The following AMER3 variants were observed in gnomAD, a reference collection of about 807,000 sequenced individuals.
AMER3 encodes family with sequence similarity 123C.
For synonymous variants in AMER3, 541 were observed against 485.5 expected (o/e 1.11, Z -1.50); for missense variants, 1,201 against 1,139.4 (o/e 1.05, Z -0.78).
At chr2:130,757,154 GA>G (rs943889629) in intron 1 of AMER3, among the ~76,000 whole-genome samples, 2 of 149,742 alleles carry the variant, frequency 1.3e-5, no homozygotes, top group East Asian at 1.9e-4. Flanking sequence ...GTTAAGAAAG[GA>G]AAAAAAAAGC....
intron 1 of AMER3, 150 bp from the exon 2 acceptor site, chr2:130,761,904 G>T: frequency 5.1e-6 from 4 of 780,224 alleles, no homozygotes; most frequent in Non-Finnish European, 8.1e-6. Flanking sequence ...TGTTAGGGCT[G>T]CTCCCATCTT....
chr2:130,761,936 A>G, intron 1 of AMER3, 118 bp from the exon 2 acceptor site: 1 of 984,118 alleles, frequency 1.0e-6, no homozygotes. Context: ...TGCAAGGAGG[A>G]TCTCCTGGGA....
chr2:130,762,513 G>A lies in AMER3; in HGVS notation c.441G>A (p.Pro147=), dbSNP rs772225081. Residue 147 remains proline, a synonymous_variant, in exon 2 of 2, where the codon CCG becomes CCA. Coordinates refer to ENST00000321420, the MANE Select transcript of AMER3 (RefSeq NM_152698.3). ...PFVPAVAKSI[P]RKRISLKRPK... Reference sequence around the variant, plus strand: ...TGCCAGCTGTGGCCAAGAGCATCCCGAGGAAGAGGATTTCCCTGAAGAGGC... The same window carrying A: ...TGCCAGCTGTGGCCAAGAGCATCCCAAGGAAGAGGATTTCCCTGAAGAGGC... 96 of 1,613,418 alleles carry A rather than the reference G, an allele frequency of 6.0e-5. No individual in the cohort carries two copies. The highest frequency in any genetic ancestry group is 5.3e-5 in the African/African-American group (4 of 75,056).
At chr2:130,761,322 C>G (rs940037725) in intron 1 of AMER3, among the ~76,000 whole-genome samples, 34 of 151,380 alleles carry the variant, frequency 2.2e-4, no homozygotes, top group African/African-American at 8.3e-4. Flanking sequence ...CATCAGAAAC[C>G]TTCTCTGCAT....
rs1678934921 is a variant in AMER3, at chr2:130,764,681, A to G, written c.*23A>G. The G allele has an allele frequency of 2.6e-6, 4 of 1,564,862 alleles. No individual in the cohort carries two copies. Among genetic ancestry groups the G allele is most frequent in the Admixed American group, 3.9e-5 (2 of 51,672 alleles). ...TAGGACAGGCTCACATGCACCAGGA[A>G]CTGCATGTGTCTTCATGACCACTTT... On this transcript the variant is annotated 3_prime_UTR_variant, in exon 2 of 2. Coordinates refer to ENST00000321420, the MANE Select transcript of AMER3 (RefSeq NM_152698.3).
At chr2:130,755,776 C>G (rs986550543) in intron 1 of AMER3, 102 bp downstream of exon 1, 3 of 152,366 alleles carry the variant, frequency 2.0e-5, no homozygotes, top group Non-Finnish European at 4.4e-5. Flanking sequence ...CCTGGCCTGC[C>G]CCTTCTTGCA....
chr2:130,764,143 C>T lies in AMER3; in HGVS notation c.2071C>T (p.Pro691Ser), dbSNP rs757576286. Reference sequence around the variant, plus strand: ...CCTGAAGATCAGCTCAAACGAACAGCCCCCGGCCGCATGGCCTCCAAGGCA... The same window carrying T: ...CCTGAAGATCAGCTCAAACGAACAGTCCCCGGCCGCATGGCCTCCAAGGCA... The part of the protein sequence containing the change: ...AALKISSNEQ[P>S]PAAWPPRQDM... Residue 691 changes from proline to serine, a missense_variant, in exon 2 of 2, where the codon CCC becomes TCC. Pro to Ser is a moderately conservative substitution (Grantham distance 74, BLOSUM62 -1). Coordinates refer to ENST00000321420, the MANE Select transcript of AMER3 (RefSeq NM_152698.3). 4.3e-6 allele frequency: 7 copies of T among 1,610,142 alleles called. No individual in the cohort carries two copies. The highest frequency in any genetic ancestry group is 5.9e-6 in the Non-Finnish European group (7 of 1,178,308).
In AMER3 at chr2:130,766,740, A is replaced by G. The variant is rs1678992735; in HGVS notation, c.*2082A>G. 1 of 164,388 alleles carries G rather than the reference A, an allele frequency of 6.1e-6. No homozygotes were observed. Among genetic ancestry groups the G allele is most frequent in the Non-Finnish European group, 1.5e-5 (1 of 68,106 alleles). The allele number at this position is 164,388 out of a possible 1,614,324, so 10.2% of individuals were successfully genotyped here. ...ATGTCTCAAAATCTCCTCAACTAAA[A>G]TGTCTCAAAATCTCAGCCTCCCACA... On this transcript the variant is annotated 3_prime_UTR_variant, in exon 2 of 2. Coordinates refer to ENST00000321420, the MANE Select transcript of AMER3 (RefSeq NM_152698.3).
chr2:130,762,087 A>G lies in AMER3; in HGVS notation c.15A>G (p.Arg5=). 6.2e-7 allele frequency: 1 copy of G among 1,610,898 alleles called. No homozygotes were observed. Among genetic ancestry groups the G allele is most frequent in the Non-Finnish European group, 8.5e-7 (1 of 1,179,178 alleles). ...GCACTGGCAGCATGGAGCTGAAGAG[A>G]GGAAAGACCTTCATCAAGTCCAGCC... MELK[R]GKTFIKSSLQ... is the part of the protein sequence containing the mutation. The change falls in exon 2 of 2, where the codon AGA becomes AGG. Residue 5 remains arginine (R), a synonymous_variant. Transcript: ENST00000321420.
At chr2:130,756,017 G>A (rs1185483199) in intron 1 of AMER3, 1 of 152,210 alleles carries the variant, frequency 6.6e-6, no homozygotes, top group African/African-American at 2.4e-5. Context: ...GGGAGGCAGA[G>A]ACACCCAGAA....
chr2:130,758,727 G>C (rs1050934326), intron 1 of AMER3, among the ~76,000 whole-genome samples: 2 of 152,236 alleles, frequency 1.3e-5, no homozygotes, highest in African/African-American at 4.8e-5. Context: ...GGCACCCGAA[G>C]GGTAGGGACG....
Position 130,762,299 on chromosome 2 carries a change from G to A in AMER3, c.227G>A (p.Gly76Glu). The A allele has an allele frequency of 6.3e-7, 1 of 1,599,966 alleles. No homozygotes were observed. The highest frequency in any genetic ancestry group is 8.5e-7 in the Non-Finnish European group (1 of 1,174,120). Reference sequence around the variant, plus strand: ...AAAGGGGCGCAGCTGGACCCCAAAGGGGGACCCGCAGCCCTCTGTGGAGCC... The same window carrying A: ...AAAGGGGCGCAGCTGGACCCCAAAGAGGGACCCGCAGCCCTCTGTGGAGCC... ...PNKGAQLDPK[G>E]GPAALCGATF... The change falls in exon 2 of 2, where the codon GGG becomes GAG. Residue 76 changes from glycine (G) to glutamate (E), a missense_variant. By Grantham distance (98) the Gly-to-Glu change is moderately conservative. Coordinates refer to ENST00000321420, the MANE Select transcript of AMER3 (RefSeq NM_152698.3).
chr2:130,764,156 G>A lies in AMER3; in HGVS notation c.2084G>A (p.Trp695Ter). ...TCAAACGAACAGCCCCCGGCCGCAT[G>A]GCCTCCAAGGCAAGACATGGGCAGT... is the stretch of plus-strand genomic sequence containing the variant. ...ISSNEQPPAAWPPRQDMGSGL... is the reference protein window; with the variant it reads ...ISSNEQPPAA Residue 695 changes from tryptophan to a stop codon, truncating the protein, a stop_gained, in exon 2 of 2, where the codon TGG (tryptophan) becomes TAG (stop). Coordinates refer to ENST00000321420, the MANE Select transcript of AMER3 (RefSeq NM_152698.3). LOFTEE classifies it low-confidence loss of function (END_TRUNC). 1 of 1,609,170 alleles carries A rather than the reference G, an allele frequency of 6.2e-7. No homozygotes were observed. Among genetic ancestry groups the A allele is most frequent in the Non-Finnish European group, 8.5e-7 (1 of 1,177,442 alleles).
rs1167785814 is a variant in AMER3 at position 130,764,661 on chromosome 2, C to T, written c.*3C>T. 1 of 1,596,960 alleles carries T rather than the reference C, an allele frequency of 6.3e-7. No individual in the cohort carries two copies. The highest frequency in any genetic ancestry group is 1.1e-5 in the South Asian group (1 of 88,896). ...CCATGGCTGAGCCCCATCTGTAGGA[C>T]AGGCTCACATGCACCAGGAACTGCA... On this transcript the variant is annotated 3_prime_UTR_variant, in exon 2 of 2. Transcript: ENST00000321420.
At chr2:130,761,714 C>G (rs1678785942) in intron 1 of AMER3, among the ~76,000 whole-genome samples, 1 of 152,224 alleles carries the variant, frequency 6.6e-6, no homozygotes, top group African/African-American at 2.4e-5. Context: ...ATGACACCCA[C>G]TCCTAAGGAC....
Position 130,762,079 on chromosome 2 carries a change from C to T in AMER3, c.7C>T (p.Leu3=), listed in dbSNP as rs1381188924. 2 of 1,610,330 alleles carry T rather than the reference C, an allele frequency of 1.2e-6. No individual in the cohort carries two copies. Among genetic ancestry groups the T allele is most frequent in the Non-Finnish European group, 1.7e-6 (2 of 1,178,926 alleles). ...CAGCTGGGGCACTGGCAGCATGGAGCTGAAGAGAGGAAAGACCTTCATCAA... is the reference window on the plus strand; with the variant it reads ...CAGCTGGGGCACTGGCAGCATGGAGTTGAAGAGAGGAAAGACCTTCATCAA... ME[L]KRGKTFIKSS... Residue 3 remains leucine (L), a synonymous_variant, in exon 2 of 2, where the codon CTG becomes TTG. Coordinates refer to ENST00000321420, the MANE Select transcript of AMER3 (RefSeq NM_152698.3).
At chr2:130,761,922 C>T (rs76035719) in intron 1 of AMER3, 132 bp from the exon 2 acceptor site, 4 of 892,810 alleles carry the variant, frequency 4.5e-6, no homozygotes, top group African/African-American at 3.4e-5. Flanking sequence ...CTTTCTCCCC[C>T]ACCTGCAAGG....
Position 130,763,622 on chromosome 2 carries a change from C to T in AMER3, c.1550C>T (p.Thr517Met), listed in dbSNP as rs757634081. The T allele has an allele frequency of 8.3e-6, 13 of 1,558,460 alleles. No individual in the cohort carries two copies. Among genetic ancestry groups the T allele is most frequent in the East Asian group, 4.7e-5 (2 of 42,714 alleles). The change falls in exon 2 of 2, where the codon ACG becomes ATG. Residue 517 changes from threonine (T) to methionine (M), a missense_variant. Thr to Met is a moderately conservative substitution (Grantham distance 81, BLOSUM62 -1). Coordinates refer to ENST00000321420, the MANE Select transcript of AMER3 (RefSeq NM_152698.3). ...GTCAGCTGGCTGCGCCGAGGCCCCACGCCCCGTGCCCCACCCACCCCTGGG... is the reference window on the plus strand; with the variant it reads ...GTCAGCTGGCTGCGCCGAGGCCCCATGCCCCGTGCCCCACCCACCCCTGGG... Reference protein sequence around the residue: ...GIVSWLRRGPTPRAPPTPGQP... With the variant: ...GIVSWLRRGPMPRAPPTPGQP...
chr2:130,762,677 T>A lies in AMER3; in HGVS notation c.605T>A (p.Leu202His), dbSNP rs1558966865. ...GGGGGGCGGCGAAGCAAAGCCTTCC[T>A]CCCCCCGGGTGAGGGGCCGGGGCTG... is the stretch of plus-strand genomic sequence containing the variant. ...DPGGRRSKAF[L>H]PPGEGPGLDG... The change falls in exon 2 of 2, where the codon CTC becomes CAC. Residue 202 changes from leucine to histidine, a missense_variant. Physicochemically the swap from Leu to His is moderately conservative, Grantham distance 99. Coordinates refer to ENST00000321420, the MANE Select transcript of AMER3 (RefSeq NM_152698.3). 1.9e-6 allele frequency: 3 copies of A among 1,610,648 alleles called. No individual in the cohort carries two copies. The highest frequency in any genetic ancestry group is 2.5e-6 in the Non-Finnish European group (3 of 1,179,650).
Sources: allele counts gnomAD v4.1 joint callset (sites outside exome capture counted in the v4.1 genomes callset), GRCh38; gene constraint gnomAD v4.1.1; transcripts MANE v1.5; gene names NCBI Gene and HGNC (gene_info 2026-07-23, HGNC 2026-07-21).